CGNL1: variants seen among roughly 807,000 people sequenced by gnomAD.
CGNL1 encodes cingulin-like protein 1.
CGNL1 carries 132 observed loss-of-function variants against 141.2 expected under a neutral mutation model. The observed-to-expected ratio is 0.93, with a 90% confidence interval of 0.81 to 1.08. The LOEUF is 1.08. CGNL1 is among the 50% of genes least tolerant of loss of function. CGNL1 has a pLI of 0.00. For synonymous variants in CGNL1, 690 were observed against 622.1 expected, an observed-to-expected ratio of 1.11 and a Z score of -1.63; for missense variants, 1,870 against 1,588.6, an observed-to-expected ratio of 1.18 and a Z score of -3.01.
intron 8 of CGNL1, among the ~76,000 whole-genome samples, chr15:57,509,598 C>G (rs561950969): frequency 8.3e-4 from 127 of 152,290 alleles, no homozygotes; most frequent in African/African-American, 2.8e-3. Context: ...GTACTCATCT[C>G]TTGTTTCTCC....
chr15:57,387,471 G>T (rs1375466694), intron 1 of CGNL1, among the ~76,000 whole-genome samples: 2 of 152,178 alleles, frequency 1.3e-5, no homozygotes, highest in Non-Finnish European at 2.9e-5. Flanking sequence ...AATGAATGTG[G>T]AATGAAGCCC....
intron 8 of CGNL1, among the ~76,000 whole-genome samples, chr15:57,482,526 C>T (rs577662968): frequency 3.9e-5 from 6 of 152,252 alleles, no homozygotes; most frequent in African/African-American, 7.2e-5. Context: ...GTTGCTCCAG[C>T]GCCATTTGTT....
intron 11 of CGNL1, 24 bp from the exon 12 acceptor site, chr15:57,524,557 T>A (rs761224737): frequency 1.9e-6 from 3 of 1,604,254 alleles, no homozygotes; most frequent in Non-Finnish European, 2.6e-6. Flanking sequence ...CAGGGTGGGC[T>A]CACACCCGTG....
Position 57,545,629 on chromosome 15 carries a change from G to A in CGNL1, c.3538G>A (p.Glu1180Lys). The part of the protein sequence containing the change: ...ANLQLSNRRL[E>K]RKVKELVMQV... The stretch of plus-strand genomic sequence containing the variant: ...TCTTCAGCTCAGCAACCGGCGGCTG[G>A]AGCGGAAAGTGAAGGAGCTGGTGAT... Residue 1180 changes from glutamate (E) to lysine (K), a missense_variant, in exon 17 of 19, where the codon GAG (glutamate) becomes AAG (lysine). Transcript: ENST00000281282. 2 of 1,613,732 alleles carry A rather than the reference G, an allele frequency of 1.2e-6. No homozygotes were observed. Among genetic ancestry groups the A allele is most frequent in the East Asian group, 2.2e-5 (1 of 44,884 alleles).
intron 8 of CGNL1, among the ~76,000 whole-genome samples, chr15:57,504,025 G>A (rs1278196227): frequency 2.0e-5 from 3 of 152,146 alleles, no homozygotes; most frequent in Non-Finnish European, 4.4e-5. Flanking sequence ...ATTGTGCTGA[G>A]TACGCTGGGA....
Position 57,544,460 on chromosome 15 carries a change from T to C in CGNL1, c.3376-13T>C, listed in dbSNP as rs752482626. On this transcript the variant is annotated splice_polypyrimidine_tract_variant and intron_variant, in intron 15 of 18. Coordinates refer to ENST00000281282, the MANE Select transcript of CGNL1 (RefSeq NM_032866.5). ...GACACATAGCCCCTCACAGTCTCCC[T>C]GTGTTGTTCCAGAACAAGGACTTAA... is the stretch of plus-strand genomic sequence containing the variant. The C allele has an allele frequency of 3.7e-6, 6 of 1,614,002 alleles. No homozygotes were observed. The highest frequency in any genetic ancestry group is 4.2e-6 in the Non-Finnish European group (5 of 1,179,934).
intron 8 of CGNL1, among the ~76,000 whole-genome samples, chr15:57,469,697 G>C (rs565596794): frequency 6.6e-6 from 1 of 151,170 alleles, no homozygotes; most frequent in South Asian, 2.1e-4. Flanking sequence ...ATTCAATAAT[G>C]TTGAAACTTT....
At chr15:57,525,387 A>C (rs982229832) in intron 12 of CGNL1, among the ~76,000 whole-genome samples, 4 of 152,260 alleles carry the variant, frequency 2.6e-5, no homozygotes, top group African/African-American at 9.6e-5. Flanking sequence ...GGAGGCTTCA[A>C]AATGTAAGCA....
intron 1 of CGNL1, among the ~76,000 whole-genome samples, chr15:57,395,080 C>T (rs2062588007): frequency 6.6e-6 from 1 of 152,234 alleles, no homozygotes; most frequent in African/African-American, 2.4e-5. Context: ...CACTGCACTC[C>T]AGCCTGGATG....
In CGNL1 at chr15:57,526,479, TA is replaced by T. The variant is rs1236126142; in HGVS notation, c.3039+1737del. 8.6e-5 allele frequency among the ~76,000 whole-genome samples: 13 copies of T among 151,056 alleles called. No homozygotes were observed. The East Asian group carries it at 2.1e-3, about 25-fold the overall frequency. On this transcript the variant is annotated intron_variant, in intron 12 of 18. Transcript: ENST00000281282. ...GATTGAGCTGGTTGAAGATCTTGGTTAAAAAAAAACCCCAAAAGCTACAGGA... is the reference window on the plus strand; with the variant it reads ...GATTGAGCTGGTTGAAGATCTTGGTTAAAAAAAACCCCAAAAGCTACAGGA...
chr15:57,468,814 T>C (rs2063544037), intron 8 of CGNL1, among the ~76,000 whole-genome samples: 1 of 152,070 alleles, frequency 6.6e-6, no homozygotes, highest in Non-Finnish European at 1.5e-5. Context: ...ATGGGGGTGG[T>C]TTCCCCCATA....
chr15:57,502,924 C>T (rs1417718469), intron 8 of CGNL1, among the ~76,000 whole-genome samples: 1 of 152,194 alleles, frequency 6.6e-6, no homozygotes, highest in Non-Finnish European at 1.5e-5. Flanking sequence ...CCAAGACACC[C>T]ACTCCTGCTC....
chr15:57,399,147 T>G (rs1230194446), intron 1 of CGNL1, among the ~76,000 whole-genome samples: 1 of 152,188 alleles, frequency 6.6e-6, no homozygotes, highest in African/African-American at 2.4e-5. Flanking sequence ...GGGAAGTCCT[T>G]TAGAGTAATT....
intron 1 of CGNL1, among the ~76,000 whole-genome samples, chr15:57,415,533 T>G (rs1441754285): frequency 6.6e-6 from 1 of 152,208 alleles, no homozygotes; most frequent in Non-Finnish European, 1.5e-5. Flanking sequence ...AATGCAGCCC[T>G]GTTGCCCCTT....
At chr15:57,458,716 C>G (rs1026017089) in intron 7 of CGNL1, among the ~76,000 whole-genome samples, 1 of 152,166 alleles carries the variant, frequency 6.6e-6, no homozygotes, top group Admixed American at 6.5e-5. Context: ...AACAGTAATT[C>G]AGGAGAGACT....
At chr15:57,474,913 G>A (rs1376127987) in intron 8 of CGNL1, among the ~76,000 whole-genome samples, 5 of 152,232 alleles carry the variant, frequency 3.3e-5, no homozygotes, top group Non-Finnish European at 7.3e-5. Flanking sequence ...CCTAAGGCAG[G>A]TCAAGAAGAA....
chr15:57,496,033 T>C (rs2063933322), intron 8 of CGNL1, among the ~76,000 whole-genome samples: 1 of 152,188 alleles, frequency 6.6e-6, no homozygotes, highest in Non-Finnish European at 1.5e-5. Flanking sequence ...TGGAGCCTCA[T>C]GAACTCCAAG....
intron 1 of CGNL1, among the ~76,000 whole-genome samples, chr15:57,395,088 A>T (rs4774937): frequency 6.6e-6 from 1 of 152,132 alleles, no homozygotes; most frequent in African/African-American, 2.4e-5. Context: ...TCCAGCCTGG[A>T]TGACAGAGTG....
At chr15:57,536,551 C>G (rs770974399) in intron 14 of CGNL1, among the ~76,000 whole-genome samples, 3 of 152,170 alleles carry the variant, frequency 2.0e-5, no homozygotes, top group Non-Finnish European at 1.5e-5. Context: ...TTTTCTCACC[C>G]AAGTATAGTC....
Sources: allele counts gnomAD v4.1 joint callset (sites outside exome capture counted in the v4.1 genomes callset), GRCh38; gene constraint gnomAD v4.1.1; transcripts MANE v1.5; gene names NCBI Gene and HGNC (gene_info 2026-07-23, HGNC 2026-07-21).